The following WDR43 variants were observed in gnomAD, a reference collection of about 807,000 sequenced individuals.
WDR43 encodes WD repeat domain 43, also known as WD repeat-containing protein 43.
WDR43 carries 13 observed loss-of-function variants against 91.4 expected under a neutral mutation model. The observed-to-expected ratio is 0.14, with a 90% CI of 0.09 to 0.23. WDR43 has a LOEUF of 0.23. Among genes scored for constraint, WDR43 ranks in the 10% least tolerant of loss-of-function variants. The pLI, the probability that WDR43 is intolerant of heterozygous loss-of-function variation, is 1.00. For synonymous variants in WDR43, 331 were observed against 287.9 expected, an observed-to-expected ratio of 1.15 and a Z score of -1.51; for missense variants, 780 against 809.4, an observed-to-expected ratio of 0.96 and a Z score of 0.44.
At chr2:28,938,088 T>G in intron 14 of WDR43, 94 bp downstream of exon 14, 10 of 1,343,110 alleles carry the variant, frequency 7.4e-6, no homozygotes, top group Non-Finnish European at 1.0e-5. Context: ...AAACCATCCT[T>G]TCCCCATCTA....
chr2:28,947,644 T>C lies in WDR43; in HGVS notation c.*865T>C, dbSNP rs1671570092. The C allele has an allele frequency of 6.6e-6, 1 of 152,006 alleles. No homozygotes were observed. The highest frequency in any genetic ancestry group is 2.4e-5 in the African/African-American group (1 of 41,430). 9.4% of individuals were successfully genotyped at this position (152,006 alleles called of 1,614,324 possible). A position where few individuals can be genotyped will look rare whatever the true frequency, so the allele number is the denominator to read the frequency against. ...AAAGAACAATTGTTTATTTTTTCTCTTTGGTTTTAGATATTAATGATAACC... is the reference window on the plus strand; with the variant it reads ...AAAGAACAATTGTTTATTTTTTCTCCTTGGTTTTAGATATTAATGATAACC... On this transcript the variant is annotated 3_prime_UTR_variant, in exon 18 of 18. Transcript: ENST00000407426.
intron 1 of WDR43, among the ~76,000 whole-genome samples, chr2:28,896,429 A>C (rs1670483019): frequency 6.6e-6 from 1 of 152,200 alleles, no homozygotes; most frequent in Non-Finnish European, 1.5e-5. Flanking sequence ...TAAGTGCTTT[A>C]AGTGTTAAGT....
At chr2:28,935,489 C>A in intron 11 of WDR43, 32 bp from the exon 12 acceptor site, 1 of 1,457,744 alleles carries the variant, frequency 6.9e-7, no homozygotes, top group Non-Finnish European at 9.4e-7. Flanking sequence ...TGTCAGTATG[C>A]TCATCTTAAT....
At chr2:28,912,824 A>C in intron 4 of WDR43, 114 bp downstream of exon 4, 3 of 1,386,702 alleles carry the variant, frequency 2.2e-6, no homozygotes, top group Middle Eastern at 2.2e-4. Context: ...ATTGTCAGGT[A>C]CATCAAATAG....
chr2:28,906,438 T>G, intron 2 of WDR43, 22 bp from the exon 3 acceptor site: 3 of 1,495,244 alleles, frequency 2.0e-6, no homozygotes, highest in Non-Finnish European at 2.7e-6. Flanking sequence ...CCTTAAATTT[T>G]TTTTTTTTTT....
rs1261634520 is a variant in WDR43 at position 28,942,430 on chromosome 2, T to G, written c.1804+49T>G. The G allele has an allele frequency of 5.7e-6, 9 of 1,565,966 alleles. No homozygotes were observed. In the South Asian group the frequency reaches 1.0e-4, roughly 18 times the overall value. On this transcript the variant is annotated intron_variant, in intron 16 of 17. Transcript: ENST00000407426. ...GAGTCTAGAATTATAACATTCAGTTTTCAGTGACTGAGTTCTGTTATCTTT... is the reference window on the plus strand; with the variant it reads ...GAGTCTAGAATTATAACATTCAGTTGTCAGTGACTGAGTTCTGTTATCTTT...
At chr2:28,905,151 C>T (rs1442495170) in intron 2 of WDR43, 1 of 152,042 alleles carries the variant, frequency 6.6e-6, no homozygotes, top group Non-Finnish European at 1.5e-5. Flanking sequence ...GAATGGGAGA[C>T]AGTAATGTAA....
intron 5 of WDR43, among the ~76,000 whole-genome samples, chr2:28,915,684 C>G (rs1670893323): frequency 6.6e-6 from 1 of 152,114 alleles, no homozygotes; most frequent in Admixed American, 6.5e-5. Flanking sequence ...CCTAAAGTTC[C>G]CTGATAATTT....
intron 16 of WDR43, among the ~76,000 whole-genome samples, chr2:28,945,297 T>G (rs903242788): frequency 2.0e-5 from 3 of 152,258 alleles, no homozygotes; most frequent in African/African-American, 7.2e-5. Context: ...TGAAATCAAT[T>G]CCTTAGTTTT....
rs974561959 is a variant in WDR43 at position 28,902,255 on chromosome 2, G to C, written c.363+131G>C. 27 of 896,646 alleles carry C rather than the reference G, an allele frequency of 3.0e-5. No individual in the cohort carries two copies. The Admixed American group carries it at 8.1e-4, about 27-fold the overall frequency. The allele number at this position is 896,646 out of a possible 1,614,324, so 55.5% of individuals were successfully genotyped here. A position where few individuals can be genotyped will look rare whatever the true frequency, so the allele number is the denominator to read the frequency against. ...AGGGACAGTTTTCAGTCTCATCTAC[G>C]TTTAAATAACTGAATAGTAATATTT... On this transcript the variant is annotated intron_variant, in intron 2 of 17. Transcript: ENST00000407426.
intron 7 of WDR43, among the ~76,000 whole-genome samples, chr2:28,923,750 G>T (rs1671079851): frequency 1.3e-5 from 2 of 152,096 alleles, no homozygotes; most frequent in Admixed American, 6.5e-5. Flanking sequence ...ACATTTTAGT[G>T]TGTAACTCTT....
chr2:28,935,451 CT>C (rs555318846), intron 11 of WDR43, 69 bp from the exon 12 acceptor site: 3,246 of 1,031,996 alleles, frequency 3.1e-3, no homozygotes, highest in Middle Eastern at 4.4e-3. Context: ...TTTTTACAGA[CT>C]TTTTTTTTTC....
At chr2:28,912,947 A>ATTTTTT (rs35646381) in intron 4 of WDR43, among the ~76,000 whole-genome samples, 2 of 100,960 alleles carry the variant, frequency 2.0e-5, no homozygotes, top group African/African-American at 7.5e-5. Context: ...AAGAAACAAG[A>ATTTTTT]TTTTTTTTTT....
At chr2:28,937,176 A>G in intron 13 of WDR43, among the ~76,000 whole-genome samples, 1 of 152,212 alleles carries the variant, frequency 6.6e-6, no homozygotes. Context: ...CAGGTCATTT[A>G]AATGATTAGT....
At chr2:28,946,155 G>A (rs1169680436) in intron 16 of WDR43, among the ~76,000 whole-genome samples, 1 of 152,044 alleles carries the variant, frequency 6.6e-6, no homozygotes, top group Admixed American at 6.6e-5. Flanking sequence ...GGGCAACATG[G>A]TGAAACCCTG....
chr2:28,939,827 T>C (rs1572603831), intron 14 of WDR43, among the ~76,000 whole-genome samples: 1 of 151,626 alleles, frequency 6.6e-6, no homozygotes, highest in South Asian at 2.1e-4. Flanking sequence ...AGGAGTGGAG[T>C]CTGGGCACGG....
chr2:28,906,225 C>G (rs1183110874), intron 2 of WDR43, among the ~76,000 whole-genome samples: 1 of 152,138 alleles, frequency 6.6e-6, no homozygotes, highest in Non-Finnish European at 1.5e-5. Context: ...ATGGTCGCCT[C>G]TATTTGCCTT....
intron 16 of WDR43, among the ~76,000 whole-genome samples, chr2:28,944,123 A>C (rs772820075): frequency 6.6e-6 from 1 of 152,192 alleles, no homozygotes. Context: ...TTCTTCATAT[A>C]GTTCAAATAA....
intron 6 of WDR43, among the ~76,000 whole-genome samples, chr2:28,918,315 A>G (rs1382195368): frequency 1.5e-5 from 2 of 130,016 alleles, no homozygotes; most frequent in Non-Finnish European, 3.3e-5. Flanking sequence ...GATAGCTCCT[A>G]ACTAAGGTGT....
Sources: gnomAD v4.1 joint callset for allele counts (sites outside exome capture counted in the v4.1 genomes callset) on GRCh38, gnomAD v4.1.1 for gene constraint, MANE v1.5 for transcripts, NCBI Gene and HGNC (gene_info 2026-07-23, HGNC 2026-07-21) for gene names.